The following PPEF1 variants were observed in gnomAD, a reference collection of about 807,000 sequenced individuals.
The protein encoded by PPEF1 is serine/threonine-protein phosphatase with EF-hands 1.
Under a neutral mutation model 53.3 loss-of-function variants are expected in PPEF1, and 12 were observed. That is an observed-to-expected ratio of 0.23 (90% confidence interval 0.14 to 0.36). PPEF1 has a LOEUF of 0.36. Among genes scored for constraint, PPEF1 ranks in the 10% least tolerant of loss-of-function variants. The pLI, the probability that PPEF1 is intolerant of heterozygous loss-of-function variation, is 1.00. For missense variants in PPEF1, 334 were observed against 490.4 expected (o/e 0.68, Z 3.01); for synonymous variants, 165 against 176.7 (o/e 0.93, Z 0.52).
At chrX:18,733,373 G>C (rs2044883765) in intron 2 of PPEF1, among the ~76,000 whole-genome samples, 1 of 111,812 alleles carries the variant, frequency 8.9e-6, no homozygotes, top group Non-Finnish European at 1.9e-5. Context: ...CAGGACAGGG[G>C]AGAAGCTAGG....
intron 7 of PPEF1, among the ~76,000 whole-genome samples, chrX:18,780,758 A>G (rs2046066161): frequency 9.0e-6 from 1 of 110,871 alleles, no homozygotes; most frequent in Non-Finnish European, 1.9e-5. Context: ...GGGAGAGCTG[A>G]AAGAGGAGGG....
intron 4 of PPEF1, 84 bp downstream of exon 4, chrX:18,750,036 C>G (rs2045411837): frequency 6.7e-6 from 6 of 889,502 alleles, no homozygotes; most frequent in Non-Finnish European, 9.5e-6. Context: ...CATACCACAG[C>G]AGAGATGCAT....
At chrX:18,704,731 A>G (rs1001344898), upstream of PPEF1, among the ~76,000 whole-genome samples, 1 of 111,755 alleles carries the variant, frequency 8.9e-6, no homozygotes, top group Non-Finnish European at 1.9e-5. Context: ...TTTGTTGTGT[A>G]TTAGAATCTG....
upstream of PPEF1, among the ~76,000 whole-genome samples, chrX:18,706,531 G>T (rs954023302): frequency 5.3e-4 from 59 of 110,693 alleles, no homozygotes; most frequent in Non-Finnish European, 7.6e-5. Flanking sequence ...GATCACCTGA[G>T]GTCAGGAGTT....
In PPEF1 at chrX:18,762,170, T is replaced by A. The variant is rs1293576879; in HGVS notation, c.558+594T>A. ...TTCTCTGCATCTCTTTGATTGGATT[T>A]TTTTCTGTCTCTGGGCCAAGAGTTA... On this transcript the variant is annotated intron_variant, in intron 6 of 15. Transcript: ENST00000470157. Among the ~76,000 whole-genome samples, 10 of 111,609 alleles carry A rather than the reference T, an allele frequency of 9.0e-5. No individual in the cohort carries two copies. In the East Asian group the frequency reaches 2.8e-3, roughly 31 times the overall value.
chrX:18,772,999 T>A (rs906985948), intron 6 of PPEF1, among the ~76,000 whole-genome samples: 4 of 112,930 alleles, frequency 3.5e-5, no homozygotes, highest in Non-Finnish European at 7.5e-5. Flanking sequence ...GCAGTGTCTT[T>A]TATGACTTAG....
At position 18,707,677 on chromosome X, in the gene PPEF1, A is replaced by G; in HGVS notation, c.-104A>G. 1 of 700,147 alleles carries G rather than the reference A, an allele frequency of 1.4e-6. No homozygotes were observed. 57.7% of individuals were successfully genotyped at this position (700,147 alleles called of 1,213,427 possible). On this transcript the variant is annotated 5_prime_UTR_variant, in exon 1 of 16. Transcript: ENST00000470157. ...TCATTAGAATCTATGACTGAAGAGG[A>G]TCGGCTAAGAGTGGTTCCTCGCAGC...
intron 9 of PPEF1, among the ~76,000 whole-genome samples, chrX:18,785,453 C>T (rs963878512): frequency 9.0e-6 from 1 of 111,204 alleles, no homozygotes; most frequent in African/African-American, 3.3e-5. Context: ...AAGTTTTTTA[C>T]AGCCCTCTCC....
At chrX:18,752,727 CTT>C (rs34251013) in intron 4 of PPEF1, among the ~76,000 whole-genome samples, 3 of 96,982 alleles carry the variant, frequency 3.1e-5, no homozygotes, top group Admixed American at 1.1e-4. Context: ...TTGTCAAATG[CTT>C]TTTTTTTTTT....
intron 6 of PPEF1, among the ~76,000 whole-genome samples, chrX:18,777,498 C>A (rs1308736596): frequency 3.6e-5 from 4 of 111,451 alleles, no homozygotes; most frequent in African/African-American, 1.3e-4. Flanking sequence ...TTTTTCTTTT[C>A]TTTTCTTTTT....
upstream of PPEF1, among the ~76,000 whole-genome samples, chrX:18,678,455 A>G (rs192490949): frequency 7.2e-3 from 802 of 110,976 alleles, 1 homozygote; most frequent in Non-Finnish European, 0.011. Flanking sequence ...AAACAAAAGC[A>G]AAAAAACAGG....
intron 6 of PPEF1, among the ~76,000 whole-genome samples, chrX:18,762,889 A>G (rs1260629552): frequency 9.0e-6 from 1 of 111,501 alleles, no homozygotes; most frequent in African/African-American, 3.3e-5. Context: ...TTGTTCCTGG[A>G]CCAAACTGAG....
upstream of PPEF1, among the ~76,000 whole-genome samples, chrX:18,682,286 C>T (rs1326020355): frequency 8.9e-6 from 1 of 112,611 alleles, no homozygotes; most frequent in Non-Finnish European, 1.9e-5. Context: ...CTTTGGGAGC[C>T]CTCCACGTCT....
chrX:18,810,096 G>T (rs1301489816), intron 12 of PPEF1, among the ~76,000 whole-genome samples: 12 of 109,537 alleles, frequency 1.1e-4, no homozygotes, highest in Non-Finnish European at 1.9e-4. Context: ...GTGTGTGTGT[G>T]TGTGTGTGTG....
chrX:18,705,783 A>G (rs965245207), upstream of PPEF1, among the ~76,000 whole-genome samples: 1 of 111,753 alleles, frequency 8.9e-6, no homozygotes, highest in South Asian at 3.7e-4. Flanking sequence ...ACATAAAATA[A>G]TCAGGTTCAC....
At chrX:18,804,099 C>T (rs775843968) in intron 11 of PPEF1, 22 bp downstream of exon 11, 10 of 1,157,930 alleles carry the variant, frequency 8.6e-6, no homozygotes, top group Middle Eastern at 2.6e-4. Context: ...TTGTTGGTGA[C>T]ATTCCCATAA....
At chrX:18,761,404 AC>A (rs1181063418) in intron 5 of PPEF1, 125 bp from the exon 6 acceptor site, 6 of 570,133 alleles carry the variant, frequency 1.1e-5, no homozygotes, top group Non-Finnish European at 1.8e-5. Flanking sequence ...TGTCAAATTA[AC>A]ATCGTCATAG....
chrX:18,677,516 C>G (rs1464003859), intron 1 of PPEF1, among the ~76,000 whole-genome samples: 1 of 112,022 alleles, frequency 8.9e-6, no homozygotes, highest in Non-Finnish European at 1.9e-5. Flanking sequence ...AAATTCATGA[C>G]TGCTTAGCTC....
At chrX:18,773,472 A>C (rs887105754) in intron 6 of PPEF1, among the ~76,000 whole-genome samples, 7 of 111,275 alleles carry the variant, frequency 6.3e-5, no homozygotes, top group African/African-American at 2.3e-4. Flanking sequence ...TGGGTTTTGT[A>C]TTTTAACACA....
Sources: gnomAD v4.1 joint callset for allele counts (sites outside exome capture counted in the v4.1 genomes callset) on GRCh38, gnomAD v4.1.1 for gene constraint, MANE v1.5 for transcripts, NCBI Gene and HGNC (gene_info 2026-07-23, HGNC 2026-07-21) for gene names.